NALF1: variants seen among roughly 807,000 people sequenced by gnomAD.
The protein encoded by NALF1 is NALCN channel auxiliary factor 1, also known as family with sequence similarity 155 member A.
A neutral mutation model predicts 48.4 loss-of-function variants in NALF1; 3 were observed. The ratio of observed to expected loss-of-function variants is 0.06; its 90% CI spans 0.03 to 0.16. The LOEUF (loss-of-function observed/expected upper bound fraction) is 0.16. Among genes scored for constraint, NALF1 ranks in the 10% least tolerant of loss-of-function variants. The pLI is 1.00. For missense variants in NALF1, 526 were observed against 571.5 expected (o/e 0.92, Z 0.81); for synonymous variants, 262 against 245.7 (o/e 1.07, Z -0.62).
chr13:107,385,731 T>G (rs1474498520), intron 1 of NALF1, among the ~76,000 whole-genome samples: 2 of 152,238 alleles, frequency 1.3e-5, no homozygotes, highest in African/African-American at 4.8e-5. Context: ...GTTTGCAATC[T>G]GTATATGCCA....
chr13:107,515,627 C>T (rs750453673), intron 1 of NALF1, among the ~76,000 whole-genome samples: 1 of 152,118 alleles, frequency 6.6e-6, no homozygotes, highest in Non-Finnish European at 1.5e-5. Flanking sequence ...GGTATTCTTA[C>T]GCATGTATTC....
chr13:107,782,510 G>A (rs568069371), intron 1 of NALF1, among the ~76,000 whole-genome samples: 2,847 of 152,062 alleles, frequency 0.019, 92 homozygotes, highest in African/African-American at 0.065. Context: ...CTGCCTGGCC[G>A]CCCATCGTTT....
chr13:107,640,833 G>A (rs571656705), intron 1 of NALF1, among the ~76,000 whole-genome samples: 2 of 152,270 alleles, frequency 1.3e-5, no homozygotes, highest in African/African-American at 4.8e-5. Flanking sequence ...GTTTCTCTTA[G>A]ATCTTGAGAC....
intron 1 of NALF1, among the ~76,000 whole-genome samples, chr13:107,864,902 G>C (rs1010911805): frequency 1.3e-5 from 2 of 152,144 alleles, no homozygotes; most frequent in Non-Finnish European, 2.9e-5. Context: ...AAATATTTCA[G>C]TAAATTTTAA....
Position 107,729,518 on chromosome 13 carries a change from C to T in NALF1, c.915+136164G>A, listed in dbSNP as rs183694689. The stretch of plus-strand genomic sequence containing the variant: ...TTGAGACAGTGTCTTGCTCTGTCAC[C>T]CAGGCTGGAGTGCAGTGGCGCGACC... On this transcript the variant is annotated intron_variant, in intron 1 of 2. Transcript: ENST00000375915. Among the ~76,000 whole-genome samples, 14 of 151,998 alleles carry T rather than the reference C, an allele frequency of 9.2e-5. No homozygotes were observed. The East Asian group carries it at 1.4e-3, about 15-fold the overall frequency.
At chr13:107,298,955 T>A (rs887365740) in intron 1 of NALF1, among the ~76,000 whole-genome samples, 2 of 152,160 alleles carry the variant, frequency 1.3e-5, no homozygotes, top group African/African-American at 4.8e-5. Flanking sequence ...CCCCTAATGT[T>A]CTTTTTCTGC....
chr13:107,189,587 G>A (rs1440985023), intron 2 of NALF1, among the ~76,000 whole-genome samples: 1 of 152,138 alleles, frequency 6.6e-6, no homozygotes, highest in Non-Finnish European at 1.5e-5. Context: ...AGGACTCAAA[G>A]CAGTGGGCAT....
At chr13:107,435,798 G>T (rs958520342) in intron 1 of NALF1, among the ~76,000 whole-genome samples, 1 of 151,598 alleles carries the variant, frequency 6.6e-6, no homozygotes, top group African/African-American at 2.4e-5. Context: ...AGCGGCGGGG[G>T]AGGGGGGGAA....
intron 1 of NALF1, among the ~76,000 whole-genome samples, chr13:107,479,898 C>A (rs1052700651): frequency 6.6e-6 from 1 of 152,002 alleles, no homozygotes; most frequent in Non-Finnish European, 1.5e-5. Context: ...AAGTCACACA[C>A]AGTTACTTCC....
chr13:107,676,451 G>T (rs1396748537), intron 1 of NALF1, among the ~76,000 whole-genome samples: 2 of 152,098 alleles, frequency 1.3e-5, no homozygotes, highest in Admixed American at 1.3e-4. Context: ...GGCATATTTG[G>T]CATAGGTAAA....
At position 107,408,340 on chromosome 13, in the gene NALF1, T is replaced by G. The variant is rs73590802; in HGVS notation, c.916-197585A>C. 2.2e-3 allele frequency among the ~76,000 whole-genome samples: 334 copies of G among 152,218 alleles called. 3 individuals are homozygous for G. Among genetic ancestry groups the G allele is most frequent in the African/African-American group, 7.7e-3 (322 of 41,552 alleles). Reference sequence around the variant, plus strand: ...TATGGTTATGTATACCCATTTACCCTGATGTGATTATTACGCGTTGCATGC... The same window carrying G: ...TATGGTTATGTATACCCATTTACCCGGATGTGATTATTACGCGTTGCATGC... On this transcript the variant is annotated intron_variant, in intron 1 of 2. Coordinates refer to ENST00000375915, the MANE Select transcript of NALF1 (RefSeq NM_001080396.3).
intron 1 of NALF1, among the ~76,000 whole-genome samples, chr13:107,477,843 TCAAGGACCTA>T (rs370785267): frequency 1.5e-3 from 223 of 152,232 alleles, no homozygotes; most frequent in African/African-American, 4.9e-3. Context: ...AATGTCTTTC[TCAAGGACCTA>T]CAAGCCATTC....
intron 1 of NALF1, among the ~76,000 whole-genome samples, chr13:107,467,257 C>CAT (rs1195533366): frequency 6.6e-6 from 1 of 151,560 alleles, no homozygotes; most frequent in Non-Finnish European, 1.5e-5. Context: ...ATTTCTATTA[C>CAT]AAGTAGAAAT....
chr13:107,219,341 A>T (rs1229720516), intron 1 of NALF1, among the ~76,000 whole-genome samples: 1 of 152,246 alleles, frequency 6.6e-6, no homozygotes, highest in Admixed American at 6.5e-5. Flanking sequence ...CAGTGATCCT[A>T]TTAAAATTTA....
chr13:107,434,102 A>AG (rs1173851480), intron 1 of NALF1, among the ~76,000 whole-genome samples: 2 of 152,228 alleles, frequency 1.3e-5, no homozygotes, highest in African/African-American at 4.8e-5. Context: ...AAATTGACTA[A>AG]GGGCATAGCC....
At chr13:107,529,841 A>G (rs1425639409) in intron 1 of NALF1, among the ~76,000 whole-genome samples, 3 of 152,114 alleles carry the variant, frequency 2.0e-5, no homozygotes, top group African/African-American at 7.2e-5. Context: ...GAAACTATCC[A>G]TGGTAGGGAT....
At chr13:107,629,920 T>C (rs770508754) in intron 1 of NALF1, among the ~76,000 whole-genome samples, 1 of 152,188 alleles carries the variant, frequency 6.6e-6, no homozygotes, top group Non-Finnish European at 1.5e-5. Flanking sequence ...TCTGAACTAG[T>C]ATCTTCGCAT....
At chr13:107,630,222 G>C (rs144896951) in intron 1 of NALF1, among the ~76,000 whole-genome samples, 1,994 of 152,224 alleles carry the variant, frequency 0.013, 29 homozygotes, top group Non-Finnish European at 0.018. Flanking sequence ...CGTGACACAA[G>C]AGTTACTTGA....
chr13:107,351,907 G>A (rs770844782), intron 1 of NALF1, among the ~76,000 whole-genome samples: 11 of 152,160 alleles, frequency 7.2e-5, no homozygotes, highest in Non-Finnish European at 1.0e-4. Flanking sequence ...AACCAGAAGC[G>A]GGCACTTCAA....
Sources: allele counts gnomAD v4.1 joint callset (sites outside exome capture counted in the v4.1 genomes callset), GRCh38; gene constraint gnomAD v4.1.1; transcripts MANE v1.5; gene names NCBI Gene and HGNC (gene_info 2026-07-23, HGNC 2026-07-21).